The following EMP2 variants were observed in gnomAD, a reference collection of about 807,000 sequenced individuals.
The protein encoded by EMP2 is epithelial membrane protein 2.
Under a neutral mutation model 13.7 loss-of-function variants are expected in EMP2, and 19 were observed. That is an observed-to-expected ratio of 1.38 (90% CI 0.97 to 2.03). The LOEUF (loss-of-function observed/expected upper bound fraction) is 2.03. Among genes scored for constraint, EMP2 ranks in the 30% most tolerant of loss-of-function variants. EMP2 has a pLI of 0.00. For missense variants in EMP2, 253 were observed against 220.7 expected, an observed-to-expected ratio of 1.15 and a Z score of -0.93; for synonymous variants, 97 against 84.7, an observed-to-expected ratio of 1.15 and a Z score of -0.80.
At chr16:10,564,434 T>C (rs2050893346) in intron 1 of EMP2, among the ~76,000 whole-genome samples, 2 of 139,862 alleles carry the variant, frequency 1.4e-5, no homozygotes, top group Admixed American at 1.6e-4. Context: ...GAGGTTGCAG[T>C]GAGCTGAGAT....
intron 1 of EMP2, among the ~76,000 whole-genome samples, chr16:10,570,354 T>A (rs2050938411): frequency 6.6e-6 from 1 of 151,544 alleles, no homozygotes; most frequent in Non-Finnish European, 1.5e-5. Context: ...GCCTCTGGAG[T>A]ACCTAGGACG....
rs2050612679 is a variant in EMP2 at position 10,532,639 on chromosome 16, TTG to T, written c.*264_*265del. ...GATTTGAGCATTGCTGGATTTTTGC[TTG>T]TGTCTTGTTGAGACTTTTGAGTGGG... On this transcript the variant is annotated 3_prime_UTR_variant, in exon 5 of 5. Coordinates refer to ENST00000359543, the MANE Select transcript of EMP2 (RefSeq NM_001424.6). 4.3e-6 allele frequency: 1 copy of T among 234,302 alleles called. No homozygotes were observed. Among genetic ancestry groups the T allele is most frequent in the African/African-American group, 2.2e-5 (1 of 44,718 alleles). The allele number at this position is 234,302 out of a possible 1,614,324, so 14.5% of individuals were successfully genotyped here.
In EMP2 at chr16:10,579,753, G is replaced by C. The variant is rs371520347; in HGVS notation, c.-61+796C>G. Among the ~76,000 whole-genome samples the C allele has an allele frequency of 2.8e-5, 4 of 143,080 alleles. No homozygotes were observed. In the South Asian group the frequency reaches 8.9e-4, roughly 32 times the overall value. The allele number at this position is 143,080 out of a possible 152,430, so 93.9% of individuals were successfully genotyped here. On this transcript the variant is annotated intron_variant, in intron 1 of 4. Coordinates refer to ENST00000359543, the MANE Select transcript of EMP2 (RefSeq NM_001424.6). ...ACACACACACACCCTCAAAGCTTGG[G>C]AGGGGCAGTGCTCCCTTCCCCAAAA...
At chr16:10,564,560 T>G (rs1191030209) in intron 1 of EMP2, among the ~76,000 whole-genome samples, 1 of 151,484 alleles carries the variant, frequency 6.6e-6, no homozygotes, top group Non-Finnish European at 1.5e-5. Flanking sequence ...GTCTGATATG[T>G]GGGCCCTACC....
intron 1 of EMP2, among the ~76,000 whole-genome samples, chr16:10,550,074 CAG>C (rs1327753221): frequency 6.6e-6 from 1 of 151,826 alleles, no homozygotes; most frequent in African/African-American, 2.4e-5. Context: ...TTAGTACAGA[CAG>C]GGTTTCACTA....
intron 1 of EMP2, among the ~76,000 whole-genome samples, chr16:10,568,780 C>CTTTTTTTTTTTTTTTTTTTT (rs58406598): frequency 1.2e-5 from 1 of 85,234 alleles, no homozygotes; most frequent in African/African-American, 4.6e-5. Context: ...CTAGGATTTT[C>CTTTTTTTTTTTTTTTTTTTT]TTTTTTTTTT....
rs1308574646 is a variant in EMP2, at chr16:10,580,113, G to A, written c.-61+436C>T. ...ACGGAGCAGCGGCGGGGGCCTAGAG[G>A]GGTACGCAGCCCAGGAGGACCCGCT... On this transcript the variant is annotated intron_variant, in intron 1 of 4. Coordinates refer to ENST00000359543, the MANE Select transcript of EMP2 (RefSeq NM_001424.6). This position sits in a 1 kb window ranked among gnomAD's most constrained non-coding sequence, Gnocchi z 4.3. Among the ~76,000 whole-genome samples the A allele has an allele frequency of 2.0e-5, 3 of 152,130 alleles. No individual in the cohort carries two copies. Among genetic ancestry groups the A allele is most frequent in the Non-Finnish European group, 4.4e-5 (3 of 68,008 alleles).
Position 10,570,922 on chromosome 16 carries a change from G to A in EMP2, c.-61+9627C>T, listed in dbSNP as rs73505812. On this transcript the variant is annotated intron_variant, in intron 1 of 4. Transcript: ENST00000359543. ...GGCAATGTGGAAGAAGAAGAAGGGC[G>A]AGGGAAAGAGCAGGTAGAAGCAGTG... Among the ~76,000 whole-genome samples the A allele has an allele frequency of 5.7e-3, 869 of 152,166 alleles. 5 individuals are homozygous for A. The highest frequency in any genetic ancestry group is 0.019 in the African/African-American group (786 of 41,538).
chr16:10,558,271 C>G (rs2050847053), intron 1 of EMP2, among the ~76,000 whole-genome samples: 1 of 152,156 alleles, frequency 6.6e-6, no homozygotes, highest in African/African-American at 2.4e-5. Context: ...AAGCCATCCT[C>G]CCACCTTGGC....
intron 1 of EMP2, among the ~76,000 whole-genome samples, chr16:10,565,562 C>G (rs980423075): frequency 3.9e-5 from 6 of 152,206 alleles, no homozygotes; most frequent in African/African-American, 1.4e-4. Context: ...CAAACTCTCT[C>G]TCTAAATATA....
intron 1 of EMP2, among the ~76,000 whole-genome samples, chr16:10,570,451 G>A (rs1451545859): frequency 1.3e-5 from 2 of 152,152 alleles, no homozygotes; most frequent in Non-Finnish European, 2.9e-5. Flanking sequence ...GAGCTTGAAT[G>A]CAGTGGCGTG....
chr16:10,568,095 C>A (rs1465083401), intron 1 of EMP2, among the ~76,000 whole-genome samples: 1 of 152,196 alleles, frequency 6.6e-6, no homozygotes, highest in Non-Finnish European at 1.5e-5. Context: ...GATCAATTTA[C>A]AGCAATACCA....
intron 1 of EMP2, among the ~76,000 whole-genome samples, chr16:10,572,501 C>A (rs2142211353): frequency 6.6e-6 from 1 of 152,186 alleles, no homozygotes; most frequent in African/African-American, 2.4e-5. Context: ...ATCTTCCATC[C>A]ACTGCTAGAT....
At position 10,532,219 on chromosome 16, in the gene EMP2, G is replaced by A. The variant is rs562043223; in HGVS notation, c.*686C>T. The A allele has an allele frequency of 2.5e-4, 39 of 154,822 alleles. No individual in the cohort carries two copies. Among genetic ancestry groups the A allele is most frequent in the South Asian group, 4.1e-4 (2 of 4,902 alleles). 9.6% of individuals were successfully genotyped at this position (154,822 alleles called of 1,614,324 possible). On this transcript the variant is annotated 3_prime_UTR_variant, in exon 5 of 5. Transcript: ENST00000359543. Reference sequence around the variant, plus strand: ...CTGGGGTGAGGGGGGGGGCGCTGTAGGTTTTGCCTAAAGACGAGTCTAAAT... The same window carrying A: ...CTGGGGTGAGGGGGGGGGCGCTGTAAGTTTTGCCTAAAGACGAGTCTAAAT...
intron 3 of EMP2, among the ~76,000 whole-genome samples, chr16:10,542,521 TA>T (rs59766834): frequency 0.083 from 12,624 of 151,596 alleles, 1,056 homozygotes; most frequent in African/African-American, 0.22. Flanking sequence ...ATAGTCATAC[TA>T]AAAAACAGTA....
chr16:10,559,995 A>G (rs2050860448), intron 1 of EMP2, among the ~76,000 whole-genome samples: 2 of 152,312 alleles, frequency 1.3e-5, no homozygotes, highest in South Asian at 4.1e-4. Flanking sequence ...ACAGGTAAAG[A>G]AAATAAGGCC....
intron 1 of EMP2, among the ~76,000 whole-genome samples, chr16:10,553,604 T>C (rs975930000): frequency 6.6e-6 from 1 of 152,044 alleles, no homozygotes; most frequent in African/African-American, 2.4e-5. Flanking sequence ...AGCAAGCTCC[T>C]TTGGCCACAA....
intron 1 of EMP2, among the ~76,000 whole-genome samples, chr16:10,558,210 A>G (rs966691670): frequency 1.3e-5 from 2 of 151,970 alleles, no homozygotes; most frequent in African/African-American, 4.8e-5. Flanking sequence ...TATTTTTTGA[A>G]GAAATGGAGT....
chr16:10,554,029 T>C (rs538663101), intron 1 of EMP2, among the ~76,000 whole-genome samples: 1 of 127,872 alleles, frequency 7.8e-6, no homozygotes, highest in African/African-American at 2.8e-5. Flanking sequence ...TTTTTTTTCT[T>C]TCTTTCTTTT....
Sources: gnomAD v4.1 joint callset for allele counts (sites outside exome capture counted in the v4.1 genomes callset) on GRCh38, gnomAD v4.1.1 for gene constraint, Gnocchi (gnomAD v3.1) non-coding constraint, MANE v1.5 for transcripts, NCBI Gene and HGNC (gene_info 2026-07-23, HGNC 2026-07-21) for gene names.